NHLRC2: variants seen among roughly 807,000 people sequenced by gnomAD.
The protein encoded by NHLRC2 is NHL repeat containing 2, also known as NHL repeat-containing protein 2.
A neutral mutation model predicts 68.1 loss-of-function variants in NHLRC2; 33 were observed. That is an observed-to-expected ratio of 0.48 (90% confidence interval 0.37 to 0.65). The LOEUF is 0.65. Ranked by LOEUF, NHLRC2 falls within the 30% of genes least tolerant of loss-of-function variation. The pLI is 0.00. For synonymous variants in NHLRC2, 311 were observed against 309.6 expected, an observed-to-expected ratio of 1.00 and a Z score of -0.05; for missense variants, 761 against 853.8, an observed-to-expected ratio of 0.89 and a Z score of 1.35.
rs557454795 is a variant in NHLRC2 at position 113,908,128 on chromosome 10, G to A, written c.1925-152G>A. ...CTAATGAGTGGTCAGTATATGTTAT[G>A]TATATTTATGTCCTTCCCACAGACC... On this transcript the variant is annotated intron_variant, in intron 10 of 10. Coordinates refer to ENST00000369301, the MANE Select transcript of NHLRC2 (RefSeq NM_198514.4). 2.1e-4 allele frequency: 130 copies of A among 615,530 alleles called. No homozygotes were observed. In the African/African-American group the frequency reaches 2.2e-3, roughly 10 times the overall value. The allele number at this position is 615,530 out of a possible 1,614,324, so 38.1% of individuals were successfully genotyped here.
At position 113,908,603 on chromosome 10, in the gene NHLRC2, T is replaced by A; in HGVS notation, c.*67T>A. 6.5e-7 allele frequency: 1 copy of A among 1,541,814 alleles called. No homozygotes were observed. Among genetic ancestry groups the A allele is most frequent in the Non-Finnish European group, 8.9e-7 (1 of 1,125,500 alleles). On this transcript the variant is annotated 3_prime_UTR_variant, in exon 11 of 11. Transcript: ENST00000369301. ...TCCCATCCTGACTATCACTGTAATT[T>A]AAGGAAAGAAAACTTCAGTTCTGCC...
At chr10:113,903,423 T>G in intron 8 of NHLRC2, 104 bp from the exon 9 acceptor site, 1 of 723,182 alleles carries the variant, frequency 1.4e-6, no homozygotes, top group East Asian at 2.6e-5. Flanking sequence ...TTATTGAGAA[T>G]ATTAATGGCA....
At chr10:113,884,187 C>G in intron 4 of NHLRC2, 64 bp from the exon 5 acceptor site, 1 of 1,486,628 alleles carries the variant, frequency 6.7e-7, no homozygotes, top group Non-Finnish European at 9.2e-7. Context: ...AAAATCTTTA[C>G]ACAGCAAAAG....
intron 5 of NHLRC2, among the ~76,000 whole-genome samples, chr10:113,889,724 G>A (rs1008993417): frequency 3.9e-5 from 6 of 152,046 alleles, no homozygotes; most frequent in African/African-American, 1.4e-4. Context: ...CTGTTGTTGA[G>A]TCTCCCCCCG....
At chr10:113,855,071 T>C (rs775723785) in intron 1 of NHLRC2, 21 bp downstream of exon 1, 23 of 1,545,878 alleles carry the variant, frequency 1.5e-5, no homozygotes, top group African/African-American at 2.7e-5. Flanking sequence ...GGCGTCGGGG[T>C]GGGGGCCCCT....
At position 113,917,026 on chromosome 10, in the gene NHLRC2, A is replaced by T. The variant is rs780348839; in HGVS notation, c.*8490A>T. 3.3e-5 allele frequency: 5 copies of T among 152,198 alleles called. No individual in the cohort carries two copies. Among genetic ancestry groups the T allele is most frequent in the Non-Finnish European group, 7.3e-5 (5 of 68,030 alleles). 9.4% of individuals were successfully genotyped at this position (152,198 alleles called of 1,614,324 possible). On this transcript the variant is annotated 3_prime_UTR_variant, in exon 11 of 11. Coordinates refer to ENST00000369301, the MANE Select transcript of NHLRC2 (RefSeq NM_198514.4). ...TTTCAAGTGCATGTGTTAACAGAAG[A>T]TTGTTTGGAACGAGAGTGCAGTGGC...
intron 4 of NHLRC2, among the ~76,000 whole-genome samples, chr10:113,881,753 A>G (rs1846037756): frequency 6.6e-6 from 1 of 151,708 alleles, no homozygotes; most frequent in Non-Finnish European, 1.5e-5. Context: ...TCTATAATTC[A>G]CTAGTTTTTA....
At chr10:113,875,982 C>T (rs1845976153) in intron 2 of NHLRC2, among the ~76,000 whole-genome samples, 1 of 149,548 alleles carries the variant, frequency 6.7e-6, no homozygotes, top group Admixed American at 6.7e-5. Context: ...ATGTTTTCAG[C>T]AGTTCTGTCT....
chr10:113,862,397 C>T (rs534259796), intron 2 of NHLRC2, among the ~76,000 whole-genome samples: 43 of 147,758 alleles, frequency 2.9e-4, no homozygotes, highest in South Asian at 2.5e-3. Flanking sequence ...CCTCTGGTTA[C>T]CACAAAAAAA....
chr10:113,915,389 A>C lies in NHLRC2; in HGVS notation c.*6853A>C. ...TGAATTCCTTCCTCTTTAAGCAGCAACTTACCACAGGCTTGGTGGCTTTAA... is the reference window on the plus strand; with the variant it reads ...TGAATTCCTTCCTCTTTAAGCAGCACCTTACCACAGGCTTGGTGGCTTTAA... On this transcript the variant is annotated 3_prime_UTR_variant, in exon 11 of 11. Transcript: ENST00000369301. The C allele has an allele frequency of 2.7e-6, 1 of 371,782 alleles. No homozygotes were observed. Among genetic ancestry groups the C allele is most frequent in the Non-Finnish European group, 5.3e-6 (1 of 188,578 alleles). The allele number at this position is 371,782 out of a possible 1,614,324, so 23.0% of individuals were successfully genotyped here.
intron 10 of NHLRC2, among the ~76,000 whole-genome samples, chr10:113,905,299 A>G (rs891243897): frequency 3.9e-5 from 6 of 152,188 alleles, no homozygotes; most frequent in Non-Finnish European, 8.8e-5. Context: ...GGGTTTTCCT[A>G]TACCTCATCC....
At chr10:113,860,209 A>G (rs1845802254) in intron 2 of NHLRC2, among the ~76,000 whole-genome samples, 1 of 152,116 alleles carries the variant, frequency 6.6e-6, no homozygotes, top group African/African-American at 2.4e-5. Flanking sequence ...TTAGAATGGC[A>G]TTACACATGG....
At chr10:113,904,386 C>T (rs1433057134) in intron 9 of NHLRC2, among the ~76,000 whole-genome samples, 7 of 151,960 alleles carry the variant, frequency 4.6e-5, no homozygotes, top group East Asian at 1.9e-4. Context: ...GTAATTTGCA[C>T]GGTATATTTT....
intron 4 of NHLRC2, among the ~76,000 whole-genome samples, chr10:113,882,271 T>C (rs1255376996): frequency 6.6e-6 from 1 of 151,808 alleles, no homozygotes; most frequent in Non-Finnish European, 1.5e-5. Flanking sequence ...TTTTGAGAGC[T>C]GCTGAATTAT....
chr10:113,911,208 C>T lies in NHLRC2; in HGVS notation c.*2672C>T, dbSNP rs778280609. ...GGAATCTTTGCCCTAAATTATTCTG[C>T]TGGTTTGTCGCTATTTTTTTCCTCT... On this transcript the variant is annotated 3_prime_UTR_variant, in exon 11 of 11. Transcript: ENST00000369301. The T allele has an allele frequency of 6.6e-6, 1 of 152,074 alleles. No individual in the cohort carries two copies. Among genetic ancestry groups the T allele is most frequent in the Admixed American group, 6.5e-5 (1 of 15,272 alleles). 9.4% of individuals were successfully genotyped at this position (152,074 alleles called of 1,614,324 possible).
chr10:113,876,682 C>G lies in NHLRC2; in HGVS notation c.493C>G (p.Leu165Val), dbSNP rs1845984263. 1.9e-6 allele frequency: 3 copies of G among 1,613,904 alleles called. No individual in the cohort carries two copies. Among genetic ancestry groups the G allele is most frequent in the South Asian group, 2.2e-5 (2 of 91,066 alleles). Residue 165 changes from leucine to valine, a missense_variant, in exon 3 of 11, where the codon CTA becomes GTA. Coordinates refer to ENST00000369301, the MANE Select transcript of NHLRC2 (RefSeq NM_198514.4). ...ACTAGAAGTTTCCTGCTGGCCAACT[C>G]TAGTCATACTTGGACCTCGTGGAAA... is the stretch of plus-strand genomic sequence containing the variant. ...QELEVSCWPT[L>V]VILGPRGNML... is the part of the protein sequence containing the mutation.
intron 4 of NHLRC2, among the ~76,000 whole-genome samples, chr10:113,879,923 G>C (rs965264305): frequency 6.6e-6 from 1 of 151,648 alleles, no homozygotes; most frequent in African/African-American, 2.4e-5. Flanking sequence ...TTTAACCCTT[G>C]TTTCAAGGCT....
intron 5 of NHLRC2, among the ~76,000 whole-genome samples, chr10:113,884,772 A>G (rs903632804): frequency 4.0e-5 from 6 of 151,574 alleles, no homozygotes; most frequent in African/African-American, 1.2e-4. Flanking sequence ...AGGAACTTAT[A>G]GTGTCATTAT....
rs115560581 is a variant in NHLRC2, at chr10:113,893,866, T to C, written c.1040-4244T>C. 5.1e-3 allele frequency among the ~76,000 whole-genome samples: 784 copies of C among 152,286 alleles called. 6 individuals carry two copies. Among genetic ancestry groups the C allele is most frequent in the African/African-American group, 0.018 (740 of 41,562 alleles). On this transcript the variant is annotated intron_variant, in intron 5 of 10. Transcript: ENST00000369301. ...CTAAAAGCAAGCTAAGAAAAGCAAA[T>C]GTTTTTGTTCCTAAAGCTTAGAGCT...
Sources: allele counts gnomAD v4.1 joint callset (sites outside exome capture counted in the v4.1 genomes callset), GRCh38; gene constraint gnomAD v4.1.1; transcripts MANE v1.5; gene names NCBI Gene and HGNC (gene_info 2026-07-23, HGNC 2026-07-21).